The following WDR48 variants were observed in gnomAD, a reference collection of about 807,000 sequenced individuals.
WDR48 encodes WD repeat domain 48, also known as WD repeat-containing protein 48.
In WDR48, 22 loss-of-function variants were observed where a neutral mutation model predicts 94.0. The ratio of observed to expected loss-of-function variants is 0.23; its 90% CI spans 0.17 to 0.33. The LOEUF (loss-of-function observed/expected upper bound fraction) is 0.33, where lower values mean the gene tolerates loss of function less well. Among genes scored for constraint, WDR48 ranks in the 10% least tolerant of loss-of-function variants. The pLI, the probability that WDR48 is intolerant of heterozygous loss-of-function variation, is 1.00. For missense variants in WDR48, 541 were observed against 813.8 expected (o/e 0.66, Z 4.08); for synonymous variants, 278 against 280.5 (o/e 0.99, Z 0.09).
At chr3:39,075,130 G>A (rs9865014) in intron 8 of WDR48, among the ~76,000 whole-genome samples, 180 bp downstream of exon 8, 22,791 of 151,210 alleles carry the variant, frequency 0.15, 3,429 homozygotes, top group African/African-American at 0.39. Flanking sequence ...GCATCTGTCT[G>A]GAGGGAAGAG....
At chr3:39,062,592 CA>C (rs2033334978) in intron 1 of WDR48, among the ~76,000 whole-genome samples, 1 of 152,148 alleles carries the variant, frequency 6.6e-6, no homozygotes. Context: ...AGAGGACCAG[CA>C]TGTGTGATGG....
intron 6 of WDR48, 68 bp from the exon 7 acceptor site, chr3:39,069,575 G>C: frequency 7.6e-7 from 1 of 1,319,082 alleles, no homozygotes; most frequent in Non-Finnish European, 1.1e-6. Context: ...TGACTTATGA[G>C]AGTTGTCTGT....
intron 15 of WDR48, among the ~76,000 whole-genome samples, chr3:39,088,621 A>G (rs552356457): frequency 7.2e-5 from 11 of 152,308 alleles, no homozygotes; most frequent in African/African-American, 2.6e-4. Flanking sequence ...AGGCTGATCC[A>G]GCCAAGATGA....
intron 7 of WDR48, among the ~76,000 whole-genome samples, chr3:39,074,400 T>C (rs1253830160): frequency 6.6e-6 from 1 of 152,226 alleles, no homozygotes; most frequent in African/African-American, 2.4e-5. Flanking sequence ...CATATTTACA[T>C]GAGTGAATTG....
chr3:39,069,575 G>T (rs1287540954), intron 6 of WDR48, 68 bp from the exon 7 acceptor site: 1 of 1,319,082 alleles, frequency 7.6e-7, no homozygotes, highest in Non-Finnish European at 1.1e-6. Context: ...TGACTTATGA[G>T]AGTTGTCTGT....
chr3:39,066,643 A>G lies in WDR48; in HGVS notation c.351+13A>G. 2.5e-6 allele frequency: 4 copies of G among 1,613,634 alleles called. No individual in the cohort carries two copies. Among genetic ancestry groups the G allele is most frequent in the Non-Finnish European group, 3.4e-6 (4 of 1,179,680 alleles). ...AAGGACACATAAGGTAAAACAATACAGTTCTCAGTGTCTTTAGTGTAATAT... is the reference window on the plus strand; with the variant it reads ...AAGGACACATAAGGTAAAACAATACGGTTCTCAGTGTCTTTAGTGTAATAT... On this transcript the variant is annotated intron_variant, in intron 4 of 18. Transcript: ENST00000302313.
rs2033569473 is a variant in WDR48 at position 39,065,798 on chromosome 3, CT to C, written c.190-9del. 2.5e-6 allele frequency: 4 copies of C among 1,576,024 alleles called. No homozygotes were observed. The Admixed American group carries it at 7.7e-5, about 30-fold the overall frequency. On this transcript the variant is annotated splice_polypyrimidine_tract_variant and intron_variant, in intron 2 of 18. Coordinates refer to ENST00000302313, the MANE Select transcript of WDR48 (RefSeq NM_020839.4). The stretch of plus-strand genomic sequence containing the variant: ...TCTCATATAAACTCTTAGGATTTTT[CT>C]TTTAATTTCAGCAAGATCCATATAT...
At chr3:39,085,283 C>A (rs1235619891) in intron 13 of WDR48, among the ~76,000 whole-genome samples, 2 of 151,820 alleles carry the variant, frequency 1.3e-5, no homozygotes, top group African/African-American at 4.8e-5. Context: ...TGTATCTGAA[C>A]AACCAAGTAG....
At chr3:39,061,288 C>T (rs980613451) in intron 1 of WDR48, among the ~76,000 whole-genome samples, 3 of 149,228 alleles carry the variant, frequency 2.0e-5, no homozygotes, top group African/African-American at 7.4e-5. Flanking sequence ...TGTGATGTTC[C>T]CTGCCCTGTG....
rs536381629 is a variant in WDR48, at chr3:39,058,508, A to C, written c.49-4542A>C. ...GTCAGATAATCTCCCAGAAGTCTGG[A>C]TATCAAGATTTAGATATGCTGCACA... is the stretch of plus-strand genomic sequence containing the variant. On this transcript the variant is annotated intron_variant, in intron 1 of 18. Coordinates refer to ENST00000302313, the MANE Select transcript of WDR48 (RefSeq NM_020839.4). Among the ~76,000 whole-genome samples the C allele has an allele frequency of 7.2e-5, 11 of 152,294 alleles. No individual in the cohort carries two copies. In the East Asian group the frequency reaches 7.7e-4, roughly 11 times the overall value.
chr3:39,080,893 G>C (rs913883382), intron 11 of WDR48, among the ~76,000 whole-genome samples: 1 of 152,212 alleles, frequency 6.6e-6, no homozygotes, highest in Non-Finnish European at 1.5e-5. Flanking sequence ...TTGGAGACCA[G>C]AGTAAATATA....
intron 10 of WDR48, 28 bp from the exon 11 acceptor site, chr3:39,079,683 T>C: frequency 6.9e-7 from 1 of 1,442,172 alleles, no homozygotes; most frequent in Non-Finnish European, 9.4e-7. Flanking sequence ...AAGATTGTTT[T>C]ACCAATTGTG....
chr3:39,087,888 A>C, intron 14 of WDR48: 1 of 446,436 alleles, frequency 2.2e-6, no homozygotes, highest in Admixed American at 3.6e-5. Flanking sequence ...CTCAAACATT[A>C]ATCTCTTTTA....
intron 1 of WDR48, 23 bp downstream of exon 1, chr3:39,052,096 T>G (rs772781816): frequency 2.5e-6 from 4 of 1,612,798 alleles, no homozygotes; most frequent in Non-Finnish European, 1.7e-6. Context: ...GGTTCCTCGG[T>G]CTTCCGGACG....
chr3:39,093,668 T>C (rs1215465430), intron 17 of WDR48, among the ~76,000 whole-genome samples: 1 of 152,214 alleles, frequency 6.6e-6, no homozygotes, highest in Non-Finnish European at 1.5e-5. Context: ...CACATATTAA[T>C]CTCATTTAGT....
chr3:39,073,008 C>G (rs1335364319), intron 7 of WDR48, among the ~76,000 whole-genome samples: 1 of 152,130 alleles, frequency 6.6e-6, no homozygotes, highest in East Asian at 1.9e-4. Context: ...GGGACTTATC[C>G]TTTCCTGTTA....
intron 3 of WDR48, 119 bp from the exon 4 acceptor site, chr3:39,066,429 T>G: frequency 1.2e-6 from 1 of 852,288 alleles, no homozygotes; most frequent in South Asian, 1.8e-5. Context: ...TTTAGGTATG[T>G]TTGTGTGTGT....
At chr3:39,066,507 T>C (rs1209023483) in intron 3 of WDR48, 41 bp from the exon 4 acceptor site, 2 of 1,551,324 alleles carry the variant, frequency 1.3e-6, no homozygotes, top group South Asian at 2.3e-5. Context: ...AAGTTTTAAG[T>C]CATACTACTA....
chr3:39,071,580 A>G (rs2033937545), intron 7 of WDR48, among the ~76,000 whole-genome samples: 1 of 152,246 alleles, frequency 6.6e-6, no homozygotes, highest in Non-Finnish European at 1.5e-5. Flanking sequence ...TGATTTAAGT[A>G]TCACGTGTAC....
Sources: allele counts gnomAD v4.1 joint callset (sites outside exome capture counted in the v4.1 genomes callset), GRCh38; gene constraint gnomAD v4.1.1; transcripts MANE v1.5; gene names NCBI Gene and HGNC (gene_info 2026-07-23, HGNC 2026-07-21).